Variants in LRRC7 observed in about 807,000 individuals in gnomAD.
The protein encoded by LRRC7 is leucine rich repeat containing 7, also known as leucine-rich repeat-containing protein 7.
LRRC7 carries 23 observed loss-of-function variants against 175.7 expected under a neutral mutation model. That is an observed-to-expected ratio of 0.13 (90% CI 0.09 to 0.19). The LOEUF is 0.19. Among genes scored for constraint, LRRC7 ranks in the 10% least tolerant of loss-of-function variants. LRRC7 has a pLI of 1.00. For missense variants in LRRC7, 1,354 were observed against 1,904.7 expected, an observed-to-expected ratio of 0.71 and a Z score of 5.38; for synonymous variants, 685 against 680.9, an observed-to-expected ratio of 1.01 and a Z score of -0.09.
chr1:69,570,407 C>A (rs75563267), intron 1 of LRRC7, among the ~76,000 whole-genome samples: 1 of 152,036 alleles, frequency 6.6e-6, no homozygotes, highest in South Asian at 2.1e-4. Context: ...AAAGCTTCGC[C>A]TCTGCCTTTT....
At chr1:69,667,776 A>T in intron 1 of LRRC7, among the ~76,000 whole-genome samples, 1 of 152,120 alleles carries the variant, frequency 6.6e-6, no homozygotes, top group East Asian at 1.9e-4. Flanking sequence ...ACAACTTTTG[A>T]TTGAAGAGTT....
chr1:69,764,292 G>A (rs1191326314), intron 3 of LRRC7, among the ~76,000 whole-genome samples: 1 of 151,834 alleles, frequency 6.6e-6, no homozygotes, highest in East Asian at 1.9e-4. Context: ...ATATGAAGTA[G>A]TGTGGGATGG....
At chr1:69,983,948 T>C (rs1405381594) in intron 9 of LRRC7, among the ~76,000 whole-genome samples, 1 of 152,028 alleles carries the variant, frequency 6.6e-6, no homozygotes, top group Non-Finnish European at 1.5e-5. Flanking sequence ...TTTTTTTGGA[T>C]GGAGTCTCGC....
intron 26 of LRRC7, among the ~76,000 whole-genome samples, chr1:70,110,777 A>C (rs1665475364): frequency 6.6e-6 from 1 of 152,228 alleles, no homozygotes; most frequent in Non-Finnish European, 1.5e-5. Context: ...CAGTCATACT[A>C]ATTAAAAAGC....
At chr1:70,100,348 G>T (rs1664724540) in intron 25 of LRRC7, among the ~76,000 whole-genome samples, 1 of 152,024 alleles carries the variant, frequency 6.6e-6, no homozygotes, top group South Asian at 2.1e-4. Context: ...GCATCATCTT[G>T]ATATATATGC....
intron 1 of LRRC7, among the ~76,000 whole-genome samples, chr1:69,632,139 T>A (rs990991617): frequency 1.3e-5 from 2 of 152,186 alleles, no homozygotes; most frequent in Non-Finnish European, 2.9e-5. Context: ...AGCTGTTCCC[T>A]CTGGCTAGGA....
chr1:69,865,035 GA>G (rs1455867881), intron 7 of LRRC7, among the ~76,000 whole-genome samples: 2 of 152,124 alleles, frequency 1.3e-5, no homozygotes, highest in African/African-American at 2.4e-5. Flanking sequence ...AGCCTTTAGG[GA>G]CAGAATGAGT....
At chr1:69,612,712 A>G (rs887075443) in intron 1 of LRRC7, among the ~76,000 whole-genome samples, 1 of 152,106 alleles carries the variant, frequency 6.6e-6, no homozygotes, top group African/African-American at 2.4e-5. Flanking sequence ...TTACCTAAAT[A>G]AGTTCTAATG....
At chr1:69,637,963 G>T (rs768243921) in intron 1 of LRRC7, among the ~76,000 whole-genome samples, 70 of 151,912 alleles carry the variant, frequency 4.6e-4, no homozygotes, top group South Asian at 1.0e-3. Flanking sequence ...AGATTTTAAG[G>T]CCAGTTTTGC....
chr1:69,853,270 CT>C (rs1163071175), intron 7 of LRRC7, among the ~76,000 whole-genome samples: 302 of 88,014 alleles, frequency 3.4e-3, no homozygotes, highest in South Asian at 0.018. Context: ...TCCTTTCTTT[CT>C]TTTTTTTTTT....
At chr1:69,608,858 CTCTCTCTCTATATATATATATATA>C (rs1415752588) in intron 1 of LRRC7, among the ~76,000 whole-genome samples, 34 of 25,900 alleles carry the variant, frequency 1.3e-3, no homozygotes, top group East Asian at 2.3e-3. Context: ...CTCTCTCTCT[CTCTCTCTCTATATATATATATATA>C]TATATATATA....
At chr1:69,995,190 A>G (rs1403676379) in intron 11 of LRRC7, among the ~76,000 whole-genome samples, 1 of 152,110 alleles carries the variant, frequency 6.6e-6, no homozygotes, top group Admixed American at 6.6e-5. Flanking sequence ...TTTATTTGAT[A>G]ACAATTTATT....
rs948975820 is a variant in LRRC7 at position 70,140,757 on chromosome 1, T to C, written c.*18870T>C. The C allele has an allele frequency of 2.0e-5, 3 of 152,138 alleles. No individual in the cohort carries two copies. Among genetic ancestry groups the C allele is most frequent in the African/African-American group, 7.2e-5 (3 of 41,428 alleles). The allele number at this position is 152,138 out of a possible 1,614,324, so 9.4% of individuals were successfully genotyped here. The stretch of plus-strand genomic sequence containing the variant: ...GCATTCAAGGGCCCTGCCCAGTATC[T>C]CTTTACTGATACAAGTATTCAAAGG... On this transcript the variant is annotated 3_prime_UTR_variant, in exon 27 of 27. Transcript: ENST00000651989.
chr1:70,087,697 AT>A (rs1244973358), intron 24 of LRRC7, among the ~76,000 whole-genome samples: 1 of 152,184 alleles, frequency 6.6e-6, no homozygotes, highest in Non-Finnish European at 1.5e-5. Context: ...ATAATTAAAC[AT>A]CTTTAAAATA....
chr1:70,076,018 C>T (rs1662743828), intron 23 of LRRC7, 59 bp from the exon 24 acceptor site: 2 of 1,585,552 alleles, frequency 1.3e-6, no homozygotes, highest in Admixed American at 1.7e-5. Flanking sequence ...GTGCTTTCTA[C>T]TTTAATCACA....
intron 1 of LRRC7, among the ~76,000 whole-genome samples, chr1:69,611,513 C>T (rs984765550): frequency 6.6e-6 from 1 of 151,998 alleles, no homozygotes. Context: ...CCTTTAGCCA[C>T]AACATGTTCA....
At chr1:69,680,967 A>C (rs1660413185) in intron 2 of LRRC7, among the ~76,000 whole-genome samples, 1 of 151,918 alleles carries the variant, frequency 6.6e-6, no homozygotes, top group Non-Finnish European at 1.5e-5. Context: ...CTCTTTCTTT[A>C]ATTGTTATTA....
intron 2 of LRRC7, among the ~76,000 whole-genome samples, chr1:69,719,240 A>G (rs914482502): frequency 6.6e-6 from 1 of 151,734 alleles, no homozygotes; most frequent in African/African-American, 2.4e-5. Context: ...CAAATATTCT[A>G]TTTGCCTCAG....
intron 1 of LRRC7, among the ~76,000 whole-genome samples, chr1:69,570,155 T>A (rs1356036958): frequency 6.6e-6 from 1 of 151,920 alleles, no homozygotes; most frequent in Non-Finnish European, 1.5e-5. Context: ...CAATAGAGAT[T>A]TTTATAGCGT....
Sources: allele counts gnomAD v4.1 joint callset (sites outside exome capture counted in the v4.1 genomes callset), GRCh38; gene constraint gnomAD v4.1.1; transcripts MANE v1.5; gene names NCBI Gene and HGNC (gene_info 2026-07-23, HGNC 2026-07-21).